The following DNM3 variants were observed in gnomAD, a reference collection of about 807,000 sequenced individuals.
The protein encoded by DNM3 is dynamin 3, also known as dynamin-3.
Under a neutral mutation model 101.6 loss-of-function variants are expected in DNM3, and 47 were observed. That is an observed-to-expected ratio of 0.46 (90% CI 0.37 to 0.59). DNM3 has a LOEUF of 0.59. DNM3 is among the 20% of genes least tolerant of loss of function. The pLI is 0.00. For synonymous variants in DNM3, 385 were observed against 387.9 expected (o/e 0.99, Z 0.09); for missense variants, 849 against 1,085.7 (o/e 0.78, Z 3.06).
At chr1:172,413,114 C>A (rs1411555688), downstream of DNM3, among the ~76,000 whole-genome samples, 1 of 152,222 alleles carries the variant, frequency 6.6e-6, no homozygotes, top group Admixed American at 6.5e-5. Flanking sequence ...GTTAGGTCCA[C>A]AGAAGGCATT....
At chr1:172,320,308 A>G (rs1220908522) in intron 16 of DNM3, among the ~76,000 whole-genome samples, 1 of 151,706 alleles carries the variant, frequency 6.6e-6, no homozygotes, top group Non-Finnish European at 1.5e-5. Flanking sequence ...GGTGCAGCAC[A>G]CCAGCATGGC....
rs139630301 is a variant in DNM3, at chr1:171,851,192, G to A, written c.161+9375G>A. ...ATATTTCACTGCACAGGAATCTACC[G>A]AACAGTTGGTTGCCTCCTCTGTCTG... On this transcript the variant is annotated intron_variant, in intron 1 of 20. Transcript: ENST00000627582. Among the ~76,000 whole-genome samples the A allele has an allele frequency of 3.7e-4, 56 of 152,202 alleles. No homozygotes were observed. In the East Asian group the frequency reaches 0.01, roughly 28 times the overall value.
At chr1:172,407,584 C>T (rs1037290508) in intron 20 of DNM3, among the ~76,000 whole-genome samples, 188 bp from the exon 21 acceptor site, 10 of 151,844 alleles carry the variant, frequency 6.6e-5, no homozygotes, top group African/African-American at 1.9e-4. Context: ...TGAAAAAAGA[C>T]GTAATTTTCA....
rs138747027 is a variant in DNM3 at position 171,924,006 on chromosome 1, A to G, written c.235+2185A>G. 4.8e-3 allele frequency among the ~76,000 whole-genome samples: 729 copies of G among 152,256 alleles called. 10 individuals carry two copies. The highest frequency in any genetic ancestry group is 0.017 in the African/African-American group (687 of 41,544). ...CTCAGTCCATGTTGCTGTGAAGGACATGATTTCATTCTTTTTTATGGCTGC... is the reference window on the plus strand; with the variant it reads ...CTCAGTCCATGTTGCTGTGAAGGACGTGATTTCATTCTTTTTTATGGCTGC... On this transcript the variant is annotated intron_variant, in intron 2 of 20. Transcript: ENST00000627582.
chr1:172,322,562 G>A (rs751844926), intron 16 of DNM3, among the ~76,000 whole-genome samples: 5 of 152,150 alleles, frequency 3.3e-5, no homozygotes, highest in African/African-American at 4.8e-5. Flanking sequence ...TGCTGCTGGC[G>A]GTTCTGTGTC....
intron 1 of DNM3, among the ~76,000 whole-genome samples, chr1:171,892,248 A>G (rs181516099): frequency 4.6e-5 from 7 of 152,124 alleles, no homozygotes; most frequent in Admixed American, 2.6e-4. Context: ...ATCATCATCT[A>G]TATATCCTCC....
chr1:172,185,899 G>A (rs1057142922), intron 14 of DNM3, among the ~76,000 whole-genome samples: 4 of 151,954 alleles, frequency 2.6e-5, no homozygotes, highest in African/African-American at 9.7e-5. Context: ...GACGAATTTG[G>A]CCCATCCTCA....
intron 2 of DNM3, among the ~76,000 whole-genome samples, chr1:171,947,456 AC>A (rs1246952362): frequency 1.3e-5 from 2 of 152,124 alleles, no homozygotes; most frequent in African/African-American, 4.8e-5. Flanking sequence ...TAAAAATGTT[AC>A]TCATAGTTTA....
At position 171,869,486 on chromosome 1, in the gene DNM3, G is replaced by A. The variant is rs372909421; in HGVS notation, c.161+27669G>A. 4.6e-5 allele frequency among the ~76,000 whole-genome samples: 7 copies of A among 152,314 alleles called. No homozygotes were observed. The East Asian group carries it at 7.7e-4, about 17-fold the overall frequency. On this transcript the variant is annotated intron_variant, in intron 1 of 20. Transcript: ENST00000627582. ...TTATATCTGTCAGTTACAATTAGCT[G>A]TAGAATTGTGCTGTTTTACCCGAGA... is the stretch of plus-strand genomic sequence containing the variant.
intron 2 of DNM3, among the ~76,000 whole-genome samples, chr1:171,925,197 G>A (rs9724787): frequency 0.012 from 1,745 of 146,540 alleles, 32 homozygotes; most frequent in African/African-American, 0.041. Flanking sequence ...CACCATGCCC[G>A]GCCCTTTGCC....
intron 20 of DNM3, among the ~76,000 whole-genome samples, chr1:172,398,731 T>C (rs1315474857): frequency 1.3e-5 from 2 of 152,208 alleles, no homozygotes; most frequent in Non-Finnish European, 2.9e-5. Context: ...TCCAGGATGA[T>C]GGTAGTTTTT....
intron 14 of DNM3, among the ~76,000 whole-genome samples, chr1:172,191,331 T>C (rs540123413): frequency 4.0e-4 from 61 of 152,276 alleles, no homozygotes; most frequent in African/African-American, 1.4e-3. Context: ...ATTGTAGATA[T>C]GTGGTATTAT....
intron 5 of DNM3, 128 bp downstream of exon 5, chr1:172,032,628 G>A (rs1204074393): frequency 1.2e-5 from 6 of 501,428 alleles, no homozygotes; most frequent in Non-Finnish European, 2.0e-5. Context: ...TGTAAGGAAT[G>A]GATTTATTAT....
At chr1:172,282,988 A>G (rs957604137) in intron 15 of DNM3, among the ~76,000 whole-genome samples, 3 of 151,850 alleles carry the variant, frequency 2.0e-5, no homozygotes, top group African/African-American at 7.3e-5. Flanking sequence ...CACCTGTTTT[A>G]CTCCAGAACT....
chr1:172,007,855 T>C (rs1173814876), intron 4 of DNM3, among the ~76,000 whole-genome samples: 1 of 152,106 alleles, frequency 6.6e-6, no homozygotes, highest in African/African-American at 2.4e-5. Flanking sequence ...AGCCTCAACC[T>C]CTTGGGCTCA....
At chr1:172,242,236 G>A (rs1312279112) in intron 14 of DNM3, among the ~76,000 whole-genome samples, 1 of 152,082 alleles carries the variant, frequency 6.6e-6, no homozygotes. Flanking sequence ...GGCAAGAAAT[G>A]GGCTGAAGGA....
chr1:172,094,908 A>G (rs541109534), intron 13 of DNM3, among the ~76,000 whole-genome samples: 33 of 152,332 alleles, frequency 2.2e-4, no homozygotes, highest in African/African-American at 7.7e-4. Context: ...TCACAGAAGT[A>G]TGTACATGTA....
chr1:172,142,432 C>T (rs903890189), intron 14 of DNM3, among the ~76,000 whole-genome samples: 5 of 152,060 alleles, frequency 3.3e-5, no homozygotes, highest in African/African-American at 7.2e-5. Flanking sequence ...AAGTACTATT[C>T]GTTTTCATTT....
chr1:171,844,527 A>T (rs2031773420), intron 1 of DNM3, among the ~76,000 whole-genome samples: 1 of 152,158 alleles, frequency 6.6e-6, no homozygotes, highest in Admixed American at 6.5e-5. Flanking sequence ...ATGAATTCGG[A>T]TGTGAATATG....
Sources: allele counts gnomAD v4.1 joint callset (sites outside exome capture counted in the v4.1 genomes callset), GRCh38; gene constraint gnomAD v4.1.1; transcripts MANE v1.5; gene names NCBI Gene and HGNC (gene_info 2026-07-23, HGNC 2026-07-21).